RFFL: variants seen among roughly 807,000 people sequenced by gnomAD.
The protein encoded by RFFL is E3 ubiquitin-protein ligase rififylin.
RFFL carries 16 observed loss-of-function variants against 40.4 expected under a neutral mutation model. The observed-to-expected ratio is 0.40, with a 90% CI of 0.27 to 0.60. RFFL has a LOEUF of 0.60. Ranked by LOEUF, RFFL falls within the 20% of genes least tolerant of loss-of-function variation. RFFL has a pLI of 0.47. For synonymous variants in RFFL, 154 were observed against 167.9 expected (o/e 0.92, Z 0.64); for missense variants, 367 against 451.7 (o/e 0.81, Z 1.70).
chr17:35,068,112 T>C (rs190982244), upstream of RFFL, among the ~76,000 whole-genome samples: 56 of 152,268 alleles, frequency 3.7e-4, no homozygotes, highest in Non-Finnish European at 7.2e-4. Context: ...TGGCTAAAAA[T>C]TAAAGTTCAT....
intron 1 of RFFL, among the ~76,000 whole-genome samples, chr17:35,041,200 A>G (rs1376771321): frequency 6.6e-6 from 1 of 152,000 alleles, no homozygotes; most frequent in Non-Finnish European, 1.5e-5. Context: ...CTTCTTGGGT[A>G]AAAGAACAGC....
At chr17:35,014,048 G>C (rs1015254820) in intron 6 of RFFL, among the ~76,000 whole-genome samples, 2 of 152,176 alleles carry the variant, frequency 1.3e-5, no homozygotes, top group African/African-American at 2.4e-5. Flanking sequence ...ACTACTCTTA[G>C]AACGTTCTCT....
In RFFL at chr17:35,061,950, G is replaced by A. The variant is rs533925851; in HGVS notation, c.-9+1626C>T. 4.0e-4 allele frequency among the ~76,000 whole-genome samples: 61 copies of A among 151,978 alleles called. 1 individual carries two copies. The South Asian group carries it at 0.012, about 30-fold the overall frequency. On this transcript the variant is annotated intron_variant, in intron 1 of 6. Transcript: ENST00000394597. ...CCACCTCGGCCTCCCAAAGTGCTGG[G>A]ATTACAGGCGTGAGCCACCGTGCCC...
upstream of RFFL, among the ~76,000 whole-genome samples, chr17:35,065,258 G>A (rs750826553): frequency 2.6e-5 from 4 of 151,856 alleles, no homozygotes; most frequent in Non-Finnish European, 5.9e-5. Context: ...CTGTATTTGC[G>A]AACTTTAAAT....
chr17:35,043,857 A>G (rs901224299), intron 1 of RFFL, among the ~76,000 whole-genome samples: 3 of 152,212 alleles, frequency 2.0e-5, no homozygotes, highest in African/African-American at 7.2e-5. Flanking sequence ...GCACCTTGTA[A>G]AAAGTATAAT....
intron 1 of RFFL, among the ~76,000 whole-genome samples, chr17:35,084,655 T>C (rs972056490): frequency 1.3e-5 from 2 of 150,580 alleles, no homozygotes; most frequent in African/African-American, 2.4e-5. Context: ...TTTGGGAGGC[T>C]GAGGCGGGCA....
At chr17:35,052,170 C>A (rs578242960) in intron 1 of RFFL, among the ~76,000 whole-genome samples, 5 of 152,146 alleles carry the variant, frequency 3.3e-5, no homozygotes, top group African/African-American at 7.2e-5. Flanking sequence ...AAATAAGATG[C>A]CTTTGACATC....
chr17:35,026,465 G>C lies in RFFL; in HGVS notation c.89C>G (p.Ser30Cys). The change falls in exon 2 of 7, where the codon TCC (serine) becomes TGC (cysteine). Residue 30 changes from serine (S) to cysteine (C), a missense_variant. Transcript: ENST00000394597. ...AGGGAAGGAGCTGTACCCAGGGTTG[G>C]AATAGGCCTGCATCCTGGCTCCCTG... ...PPQGARMQAY[S>C]NPGYSSFPSP... The C allele has an allele frequency of 6.2e-7, 1 of 1,613,800 alleles. No individual in the cohort carries two copies. Among genetic ancestry groups the C allele is most frequent in the Admixed American group, 1.7e-5 (1 of 59,958 alleles).
In RFFL at chr17:35,026,417, C is replaced by T. The variant is rs746503319; in HGVS notation, c.137G>A (p.Ser46Asn). Residue 46 changes from serine to asparagine, a missense_variant, in exon 2 of 7, where the codon AGC becomes AAC. Coordinates refer to ENST00000394597, the MANE Select transcript of RFFL (RefSeq NM_001017368.2). The stretch of plus-strand genomic sequence containing the variant: ...AAAGTGAGCCCCACAGGACTTGCAG[C>T]TTGGTTCCAAGCCTGTTGGGGAAGG... ...SFPSPTGLEP[S>N]CKSCGAHFAN... The T allele has an allele frequency of 1.2e-6, 2 of 1,614,012 alleles. No individual in the cohort carries two copies. Among genetic ancestry groups the T allele is most frequent in the South Asian group, 1.1e-5 (1 of 91,082 alleles).
chr17:35,019,798 C>A (rs1394405830), intron 3 of RFFL, among the ~76,000 whole-genome samples: 4 of 151,482 alleles, frequency 2.6e-5, no homozygotes, highest in African/African-American at 4.8e-5. Flanking sequence ...GTCTAGCAGA[C>A]CAAGAGTCAG....
chr17:35,017,181 C>T lies in RFFL; in HGVS notation c.675+342G>A, dbSNP rs564724249. On this transcript the variant is annotated intron_variant, in intron 4 of 6. Transcript: ENST00000394597. ...CTGGCTAATTGTCTGACCTCCTTCC[C>T]TTGACAATGGCTACAGTGTGCTAGA... 2.6e-5 allele frequency among the ~76,000 whole-genome samples: 4 copies of T among 152,162 alleles called. No homozygotes were observed. The South Asian group carries it at 8.3e-4, about 32-fold the overall frequency.
At chr17:35,084,705 T>A (rs888268462) in intron 1 of RFFL, among the ~76,000 whole-genome samples, 1 of 150,160 alleles carries the variant, frequency 6.7e-6, no homozygotes, top group African/African-American at 2.5e-5. Context: ...GCCTGGCCAA[T>A]GTAGTGAAAA....
At chr17:35,026,043 C>CT (rs773263656) in intron 2 of RFFL, among the ~76,000 whole-genome samples, 7 of 152,324 alleles carry the variant, frequency 4.6e-5, no homozygotes, top group Non-Finnish European at 7.3e-5. Flanking sequence ...TCTTGTCTCA[C>CT]TTTATTCCCA....
At chr17:35,069,589 G>T (rs2091336755) in intron 1 of RFFL, 2 of 281,334 alleles carry the variant, frequency 7.1e-6, no homozygotes, top group Non-Finnish European at 1.4e-5. Context: ...CTGATGAGTA[G>T]ACAAATACCC....
intron 1 of RFFL, among the ~76,000 whole-genome samples, chr17:35,035,503 A>G (rs982961647): frequency 1.3e-5 from 2 of 151,904 alleles, no homozygotes; most frequent in Non-Finnish European, 2.9e-5. Flanking sequence ...TATGTGGGGA[A>G]GGGGGTTATT....
In RFFL at chr17:35,010,618, G is replaced by C. The variant is rs1228911157; in HGVS notation, c.*1350C>G. 2 of 152,230 alleles carry C rather than the reference G, an allele frequency of 1.3e-5. No homozygotes were observed. The highest frequency in any genetic ancestry group is 1.5e-5 in the Non-Finnish European group (1 of 68,158). 9.4% of individuals were successfully genotyped at this position (152,230 alleles called of 1,614,324 possible). On this transcript the variant is annotated 3_prime_UTR_variant, in exon 7 of 7. Coordinates refer to ENST00000394597, the MANE Select transcript of RFFL (RefSeq NM_001017368.2). ...AATACAAAAATTAGCCTGGTGTGGT[G>C]GTGGGCGCCTATAATCCCAGCTACT...
At chr17:35,019,337 T>C (rs532060771) in intron 3 of RFFL, among the ~76,000 whole-genome samples, 153 of 152,258 alleles carry the variant, frequency 1.0e-3, no homozygotes, top group African/African-American at 3.6e-3. Context: ...ACAGGAAGCT[T>C]ATCATCTTTC....
At chr17:35,054,920 CT>C (rs72116250) in intron 1 of RFFL, among the ~76,000 whole-genome samples, 4,257 of 141,142 alleles carry the variant, frequency 0.03, 161 homozygotes, top group African/African-American at 0.094. Flanking sequence ...GATCCAACAG[CT>C]TTTTTTTTTT....
chr17:35,051,627 C>T (rs983839163), intron 1 of RFFL, among the ~76,000 whole-genome samples: 1 of 152,152 alleles, frequency 6.6e-6, no homozygotes, highest in Non-Finnish European at 1.5e-5. Context: ...AAAAACTTAA[C>T]ACAAATAGTG....
Sources: gnomAD v4.1 joint callset for allele counts (sites outside exome capture counted in the v4.1 genomes callset) on GRCh38, gnomAD v4.1.1 for gene constraint, MANE v1.5 for transcripts, NCBI Gene and HGNC (gene_info 2026-07-23, HGNC 2026-07-21) for gene names.